The following TPRG1 variants were observed in gnomAD, a reference collection of about 807,000 sequenced individuals.
The protein encoded by TPRG1 is tumor protein p63-regulated gene 1 protein.
TPRG1 carries 29 observed loss-of-function variants against 29.3 expected under a neutral mutation model. The observed-to-expected ratio is 0.99, with a 90% CI of 0.74 to 1.35. The LOEUF (loss-of-function observed/expected upper bound fraction) is 1.35, where lower values mean the gene tolerates loss of function less well. Ranked by LOEUF, TPRG1 falls within the 40% of genes most tolerant of loss-of-function variation. The pLI, the probability that TPRG1 is intolerant of heterozygous loss-of-function variation, is 0.00. For synonymous variants in TPRG1, 130 were observed against 116.8 expected (o/e 1.11, Z -0.73); for missense variants, 327 against 335.0 (o/e 0.98, Z 0.19).
intron 4 of TPRG1, among the ~76,000 whole-genome samples, chr3:189,270,295 G>T (rs1431634837): frequency 6.6e-6 from 1 of 152,094 alleles, no homozygotes; most frequent in Non-Finnish European, 1.5e-5. Context: ...TCTCATCCCG[G>T]CATTGAACTC....
At chr3:189,012,741 C>A (rs1469253730) in intron 3 of TPRG1, among the ~76,000 whole-genome samples, 3 of 152,008 alleles carry the variant, frequency 2.0e-5, no homozygotes, top group African/African-American at 7.2e-5. Context: ...ATATGTCCAG[C>A]AATTTATTCA....
intron 4 of TPRG1, among the ~76,000 whole-genome samples, chr3:189,300,153 A>G (rs1041762897): frequency 6.6e-6 from 1 of 152,254 alleles, no homozygotes; most frequent in African/African-American, 2.4e-5. Flanking sequence ...ATTGTCCTGT[A>G]TAGCCATAGG....
chr3:189,031,307 A>G (rs1448809745), intron 4 of TPRG1, among the ~76,000 whole-genome samples: 4 of 150,256 alleles, frequency 2.7e-5, no homozygotes, highest in African/African-American at 9.7e-5. Context: ...AAAAAAGAAA[A>G]ATTAAAAGGG....
At chr3:189,018,630 G>A (rs1266180928) in intron 3 of TPRG1, among the ~76,000 whole-genome samples, 1 of 149,448 alleles carries the variant, frequency 6.7e-6, no homozygotes, top group African/African-American at 2.5e-5. Context: ...TTTGGTTACT[G>A]TAGCCTTGTA....
chr3:189,007,047 G>A (rs1712328237), intron 3 of TPRG1, among the ~76,000 whole-genome samples: 4 of 151,800 alleles, frequency 2.6e-5, no homozygotes, highest in Admixed American at 2.0e-4. Context: ...TTGACAAATG[G>A]GATCTAATTA....
At chr3:189,250,307 A>G (rs1741962240) in intron 4 of TPRG1, among the ~76,000 whole-genome samples, 1 of 152,122 alleles carries the variant, frequency 6.6e-6, no homozygotes, top group African/African-American at 2.4e-5. Flanking sequence ...AAACATCCAT[A>G]TTAAAGTACT....
intron 3 of TPRG1, among the ~76,000 whole-genome samples, chr3:189,006,758 T>C (rs969322634): frequency 1.3e-5 from 2 of 152,094 alleles, no homozygotes; most frequent in Non-Finnish European, 1.5e-5. Context: ...GGGTTCTAAG[T>C]CAGGGGTGAG....
intron 5 of TPRG1, among the ~76,000 whole-genome samples, chr3:189,164,953 T>A: frequency 6.6e-6 from 1 of 152,170 alleles, no homozygotes; most frequent in East Asian, 1.9e-4. Context: ...TTTGCTGAAC[T>A]CCTTTCCTTC....
intron 5 of TPRG1, among the ~76,000 whole-genome samples, chr3:189,153,032 T>C (rs1327712119): frequency 6.6e-6 from 1 of 152,240 alleles, no homozygotes. Flanking sequence ...AGAGGAAAGA[T>C]ATCAGACAAA....
chr3:189,159,197 T>C (rs566308577), intron 5 of TPRG1, among the ~76,000 whole-genome samples: 3 of 152,266 alleles, frequency 2.0e-5, no homozygotes. Flanking sequence ...AAGTTTAACA[T>C]GATAATTCGT....
At chr3:189,229,086 A>G (rs886597487) in intron 3 of TPRG1, among the ~76,000 whole-genome samples, 4 of 152,234 alleles carry the variant, frequency 2.6e-5, no homozygotes, top group Non-Finnish European at 5.9e-5. Context: ...TTGTATACTG[A>G]AAGTTACACA....
At chr3:189,261,010 G>A (rs1011035681) in intron 4 of TPRG1, among the ~76,000 whole-genome samples, 4 of 152,188 alleles carry the variant, frequency 2.6e-5, no homozygotes, top group Admixed American at 6.5e-5. Flanking sequence ...CTGGCTTCGC[G>A]TCTGTCAGTG....
At chr3:189,233,563 C>T (rs1326573915) in intron 3 of TPRG1, among the ~76,000 whole-genome samples, 1 of 152,124 alleles carries the variant, frequency 6.6e-6, no homozygotes, top group African/African-American at 2.4e-5. Flanking sequence ...GGAAAAGTGG[C>T]AACTGGAAGA....
At chr3:189,179,534 G>C (rs1166773063) in intron 1 of TPRG1, among the ~76,000 whole-genome samples, 1 of 152,116 alleles carries the variant, frequency 6.6e-6, no homozygotes, top group Non-Finnish European at 1.5e-5. Context: ...CATTGAGAGT[G>C]CCCCTATTGC....
intron 3 of TPRG1, among the ~76,000 whole-genome samples, chr3:189,021,434 C>CA (rs920724512): frequency 2.0e-5 from 3 of 151,930 alleles, no homozygotes; most frequent in Admixed American, 1.3e-4. Flanking sequence ...CTGGTGGTGA[C>CA]AAAATCTCTC....
Position 189,162,925 on chromosome 3 carries a change from A to G in TPRG1, c.-10+12053A>G, listed in dbSNP as rs1434521379. Among the ~76,000 whole-genome samples, 4 of 152,246 alleles carry G rather than the reference A, an allele frequency of 2.6e-5. No individual in the cohort carries two copies. In the South Asian group the frequency reaches 6.2e-4, roughly 24 times the overall value. On this transcript the variant is annotated intron_variant, in intron 5 of 6. Transcript: ENST00000412373. Reference sequence around the variant, plus strand: ...GTTTCTGGCACATGATAAGCACTATATAAGTATTTGTTAAATAATTAGAAA... The same window carrying G: ...GTTTCTGGCACATGATAAGCACTATGTAAGTATTTGTTAAATAATTAGAAA...
chr3:189,022,999 G>A (rs545628141), intron 3 of TPRG1, among the ~76,000 whole-genome samples: 10 of 152,240 alleles, frequency 6.6e-5, no homozygotes, highest in Admixed American at 3.3e-4. Flanking sequence ...TCCAGGTGCC[G>A]TCCGTCACCC....
chr3:189,109,845 T>C (rs1720295740), intron 1 of TPRG1, among the ~76,000 whole-genome samples: 1 of 152,154 alleles, frequency 6.6e-6, no homozygotes, highest in Non-Finnish European at 1.5e-5. Flanking sequence ...TTAATCCCTC[T>C]CTCCTGGCAA....
At chr3:189,125,137 C>G (rs1278478190) in intron 1 of TPRG1, among the ~76,000 whole-genome samples, 1 of 152,094 alleles carries the variant, frequency 6.6e-6, no homozygotes, top group African/African-American at 2.4e-5. Context: ...TATACTCAGA[C>G]AAAAAGTTTT....
Sources: allele counts gnomAD v4.1 joint callset (sites outside exome capture counted in the v4.1 genomes callset), GRCh38; gene constraint gnomAD v4.1.1; transcripts MANE v1.5; gene names NCBI Gene and HGNC (gene_info 2026-07-23, HGNC 2026-07-21).